The following DYM variants were observed in gnomAD, a reference collection of about 807,000 sequenced individuals.
DYM encodes the protein dymeclin.
In DYM, 78 loss-of-function variants were observed where a neutral mutation model predicts 93.1. The observed-to-expected ratio is 0.84, with a 90% CI of 0.70 to 1.01. DYM has a LOEUF of 1.01. DYM is among the 50% of genes least tolerant of loss of function. DYM has a pLI of 0.00. For missense variants in DYM, 789 were observed against 845.0 expected, an observed-to-expected ratio of 0.93 and a Z score of 0.82; for synonymous variants, 321 against 319.7, an observed-to-expected ratio of 1.00 and a Z score of -0.04.
At chr18:49,421,659 G>C (rs192078142) in intron 2 of DYM, among the ~76,000 whole-genome samples, 1 of 152,228 alleles carries the variant, frequency 6.6e-6, no homozygotes, top group Non-Finnish European at 1.5e-5. Context: ...TGACTTTGAC[G>C]AGTGGAGAGA....
chr18:49,060,769 G>T (rs1307421043), intron 17 of DYM, among the ~76,000 whole-genome samples: 57 of 147,868 alleles, frequency 3.9e-4, no homozygotes, highest in Non-Finnish European at 7.4e-4. Context: ...GAGAGAGGGG[G>T]AGAGAGGGAG....
intron 15 of DYM, among the ~76,000 whole-genome samples, chr18:49,132,043 GA>G (rs2083424560): frequency 6.6e-6 from 1 of 152,146 alleles, no homozygotes; most frequent in Non-Finnish European, 1.5e-5. Context: ...AGCCATTTTT[GA>G]GACTTCCGGA....
intron 15 of DYM, among the ~76,000 whole-genome samples, chr18:49,126,898 G>A (rs1297441120): frequency 6.6e-6 from 1 of 152,166 alleles, no homozygotes; most frequent in Non-Finnish European, 1.5e-5. Context: ...AGTTTTAAAT[G>A]TAAGTCCAAA....
chr18:49,301,094 T>A (rs2060901240), intron 8 of DYM, among the ~76,000 whole-genome samples: 1 of 152,078 alleles, frequency 6.6e-6, no homozygotes, highest in South Asian at 2.1e-4. Context: ...GGGACACATG[T>A]AAGTATTTGA....
chr18:49,447,585 G>A (rs1375944786), intron 1 of DYM, among the ~76,000 whole-genome samples: 1 of 152,132 alleles, frequency 6.6e-6, no homozygotes, highest in Non-Finnish European at 1.5e-5. Context: ...TGTGGGGCTG[G>A]AAGAAGTCCT....
chr18:49,079,494 T>A (rs1257190723), intron 17 of DYM, among the ~76,000 whole-genome samples: 2 of 151,666 alleles, frequency 1.3e-5, no homozygotes, highest in Non-Finnish European at 2.9e-5. Flanking sequence ...GGAGGGAAGG[T>A]GGGCAGATAA....
At chr18:49,168,002 A>G (rs1408521931) in intron 14 of DYM, among the ~76,000 whole-genome samples, 1 of 151,606 alleles carries the variant, frequency 6.6e-6, no homozygotes, top group Non-Finnish European at 1.5e-5. Flanking sequence ...AATCTCAAAA[A>G]CAATGTTGAG....
At chr18:49,244,699 CAGA>C (rs759630327) in intron 13 of DYM, among the ~76,000 whole-genome samples, 29 of 152,010 alleles carry the variant, frequency 1.9e-4, no homozygotes, top group Admixed American at 1.3e-3. Context: ...ACCAGCTTCA[CAGA>C]AGAAGAAGAA....
chr18:49,167,744 A>G (rs984575207), intron 14 of DYM, among the ~76,000 whole-genome samples: 1 of 152,224 alleles, frequency 6.6e-6, no homozygotes, highest in African/African-American at 2.4e-5. Flanking sequence ...AGTCTTAAAA[A>G]TAAAAATGAT....
At chr18:49,149,359 C>G (rs947245086) in intron 15 of DYM, among the ~76,000 whole-genome samples, 4 of 152,130 alleles carry the variant, frequency 2.6e-5, no homozygotes, top group Non-Finnish European at 5.9e-5. Flanking sequence ...CTCATTCCCT[C>G]TCCTGCTTTA....
At chr18:49,120,620 G>A (rs1019267205) in intron 15 of DYM, among the ~76,000 whole-genome samples, 8 of 152,138 alleles carry the variant, frequency 5.3e-5, no homozygotes, top group African/African-American at 9.7e-5. Flanking sequence ...TTCAATCTGC[G>A]TTGGTTGAAT....
At chr18:49,203,910 C>T (rs1402544401) in intron 14 of DYM, among the ~76,000 whole-genome samples, 4 of 93,568 alleles carry the variant, frequency 4.3e-5, no homozygotes, top group Non-Finnish European at 8.3e-5. Context: ...AACTCTGGGT[C>T]TTGAAAATTC....
intron 16 of DYM, among the ~76,000 whole-genome samples, chr18:49,106,046 T>G (rs952573476): frequency 5.3e-5 from 8 of 152,178 alleles, no homozygotes; most frequent in Admixed American, 1.3e-4. Context: ...GGAGTCTAAG[T>G]CTCTTTGTAG....
chr18:49,333,893 G>A (rs964003933), intron 6 of DYM, 40 bp from the exon 7 acceptor site: 8 of 1,569,734 alleles, frequency 5.1e-6, no homozygotes. Context: ...CACTTTGGAA[G>A]ATTAAGACAC....
At chr18:49,134,975 G>C (rs139708718) in intron 15 of DYM, among the ~76,000 whole-genome samples, 4 of 152,190 alleles carry the variant, frequency 2.6e-5, no homozygotes, top group Middle Eastern at 3.4e-3. Flanking sequence ...GGGCGTGGTG[G>C]CAGACACCTG....
At chr18:49,373,171 G>A (rs2067199582) in intron 5 of DYM, among the ~76,000 whole-genome samples, 2 of 152,082 alleles carry the variant, frequency 1.3e-5, no homozygotes, top group South Asian at 4.1e-4. Context: ...ATATGTTACA[G>A]GAAAGGGGTC....
intron 8 of DYM, among the ~76,000 whole-genome samples, chr18:49,289,752 T>C (rs1264050724): frequency 1.5e-3 from 65 of 42,206 alleles, no homozygotes; most frequent in East Asian, 3.6e-3. Context: ...TATATATATA[T>C]ATATATATAT....
At position 49,069,839 on chromosome 18, in the gene DYM, G is replaced by C. The variant is rs140207984; in HGVS notation, c.2026-25635C>G. On this transcript the variant is annotated intron_variant, in intron 17 of 17. Coordinates refer to ENST00000675505, the MANE Select transcript of DYM (RefSeq NM_001353214.3). ...AGGTGGATCATGAGGTCAGGAGTTT[G>C]AGACCGGCCTGACCAACATGGTGAA... Among the ~76,000 whole-genome samples, 926 of 152,292 alleles carry C rather than the reference G, an allele frequency of 6.1e-3. 8 individuals are homozygous for C. Among genetic ancestry groups the C allele is most frequent in the African/African-American group, 0.021 (892 of 41,546 alleles).
intron 17 of DYM, among the ~76,000 whole-genome samples, chr18:49,069,097 G>A (rs1156651238): frequency 7.2e-5 from 11 of 152,196 alleles, no homozygotes; most frequent in Admixed American, 6.5e-5. Flanking sequence ...CAACACATTA[G>A]TAAAATAATT....
Sources: gnomAD v4.1 joint callset for allele counts (sites outside exome capture counted in the v4.1 genomes callset) on GRCh38, gnomAD v4.1.1 for gene constraint, MANE v1.5 for transcripts, NCBI Gene and HGNC (gene_info 2026-07-23, HGNC 2026-07-21) for gene names.